Variants in CADPS observed in about 807,000 individuals in gnomAD.
CADPS encodes calcium dependent secretion activator.
A neutral mutation model predicts 167.3 loss-of-function variants in CADPS; 57 were observed. That is an observed-to-expected ratio of 0.34 (90% CI 0.28 to 0.42). CADPS has a LOEUF of 0.42. Among genes scored for constraint, CADPS ranks in the 20% least tolerant of loss-of-function variants. The pLI is 1.00. For missense variants in CADPS, 1,414 were observed against 1,738.1 expected, an observed-to-expected ratio of 0.81 and a Z score of 3.32; for synonymous variants, 676 against 635.3, an observed-to-expected ratio of 1.06 and a Z score of -0.96.
chr3:62,450,177 C>G (rs1256058642), intron 26 of CADPS, among the ~76,000 whole-genome samples: 1 of 152,206 alleles, frequency 6.6e-6, no homozygotes, highest in East Asian at 1.9e-4. Context: ...GGTATCTGAG[C>G]TGATTCTCAG....
chr3:62,854,068 CA>C (rs1215487212), intron 1 of CADPS, among the ~76,000 whole-genome samples: 2 of 152,182 alleles, frequency 1.3e-5, no homozygotes, highest in African/African-American at 4.8e-5. Context: ...CCATTCCCTA[CA>C]TCTGAGCATT....
At chr3:62,469,757 C>G (rs1322463257) in intron 24 of CADPS, 1 of 157,988 alleles carries the variant, frequency 6.3e-6, no homozygotes, top group Non-Finnish European at 1.4e-5. Context: ...ATCCGCCCAC[C>G]TTGGCCTCCC....
chr3:62,744,514 G>A, intron 3 of CADPS, among the ~76,000 whole-genome samples: 1 of 152,178 alleles, frequency 6.6e-6, no homozygotes, highest in East Asian at 1.9e-4. Context: ...TATTAGCATG[G>A]GGAATCTGGA....
intron 10 of CADPS, among the ~76,000 whole-genome samples, chr3:62,553,250 A>T (rs1424837616): frequency 6.6e-6 from 1 of 152,158 alleles, no homozygotes; most frequent in Non-Finnish European, 1.5e-5. Flanking sequence ...CAGTTCATGG[A>T]GTTACTTTGG....
At chr3:62,856,529 A>C (rs2079718282) in intron 1 of CADPS, among the ~76,000 whole-genome samples, 1 of 152,108 alleles carries the variant, frequency 6.6e-6, no homozygotes, top group Non-Finnish European at 1.5e-5. Context: ...AAAATGCAAG[A>C]AGAGTCATGG....
At chr3:62,577,724 C>A (rs1478617433) in intron 8 of CADPS, among the ~76,000 whole-genome samples, 1 of 152,162 alleles carries the variant, frequency 6.6e-6, no homozygotes, top group Non-Finnish European at 1.5e-5. Flanking sequence ...CCCTACAAGA[C>A]AAACACTGTT....
At chr3:62,639,177 C>T (rs1317066150) in intron 6 of CADPS, among the ~76,000 whole-genome samples, 2 of 152,178 alleles carry the variant, frequency 1.3e-5, no homozygotes, top group African/African-American at 2.4e-5. Flanking sequence ...TTCTCCCAAC[C>T]TACGTATCTT....
In CADPS at chr3:62,834,833, A is replaced by C. The variant is rs149889972; in HGVS notation, c.441+39756T>G. Among the ~76,000 whole-genome samples, 551 of 152,288 alleles carry C rather than the reference A, an allele frequency of 3.6e-3. 6 individuals are homozygous for C. Among genetic ancestry groups the C allele is most frequent in the African/African-American group, 0.013 (530 of 41,562 alleles). ...GGATGATCTAATGCTACAGTAAAGG[A>C]CTTACTTGGCTTTTGGGAAAACTAA... On this transcript the variant is annotated intron_variant, in intron 1 of 29. Transcript: ENST00000383710.
intron 1 of CADPS, among the ~76,000 whole-genome samples, chr3:62,855,091 A>ATTTTTTTTTTTTTTTTTT (rs554197608): frequency 5.6e-4 from 52 of 92,706 alleles, no homozygotes; most frequent in Admixed American, 7.2e-4. Flanking sequence ...TGCCCGGCTA[A>ATTTTTTTTTTTTTTTTTT]TTTTTTTTTT....
intron 17 of CADPS, among the ~76,000 whole-genome samples, chr3:62,504,918 G>T (rs2066384797): frequency 6.6e-6 from 1 of 152,150 alleles, no homozygotes; most frequent in South Asian, 2.1e-4. Flanking sequence ...CTAGTGAATT[G>T]CCAGTCCCTG....
intron 1 of CADPS, among the ~76,000 whole-genome samples, chr3:62,815,170 C>T (rs558081586): frequency 1.2e-3 from 184 of 152,036 alleles, no homozygotes; most frequent in South Asian, 7.1e-3. Flanking sequence ...TTAATCATGG[C>T]AATACAGATT....
intron 6 of CADPS, among the ~76,000 whole-genome samples, chr3:62,593,581 C>A (rs2086563423): frequency 6.6e-6 from 1 of 152,206 alleles, no homozygotes; most frequent in African/African-American, 2.4e-5. Context: ...TTCCATTGCA[C>A]TCAGGGGGCA....
intron 13 of CADPS, among the ~76,000 whole-genome samples, chr3:62,525,345 T>C (rs1298639400): frequency 1.3e-5 from 2 of 151,984 alleles, no homozygotes; most frequent in Non-Finnish European, 2.9e-5. Flanking sequence ...GTTTGAAAAT[T>C]TTTCCCACTT....
intron 26 of CADPS, among the ~76,000 whole-genome samples, chr3:62,462,993 A>G (rs1405750057): frequency 6.6e-6 from 1 of 152,166 alleles, no homozygotes; most frequent in Non-Finnish European, 1.5e-5. Context: ...AGTGTGTGGG[A>G]GAAGTGTCAC....
intron 28 of CADPS, among the ~76,000 whole-genome samples, chr3:62,418,001 A>C (rs2050489269): frequency 6.6e-6 from 1 of 151,920 alleles, no homozygotes; most frequent in African/African-American, 2.4e-5. Context: ...CTAGTATCTT[A>C]AAAAAAGAAA....
At chr3:62,618,393 T>C (rs1275985692) in intron 6 of CADPS, among the ~76,000 whole-genome samples, 1 of 152,178 alleles carries the variant, frequency 6.6e-6, no homozygotes, top group Non-Finnish European at 1.5e-5. Context: ...TCTGCACCTG[T>C]TGGGTACGAT....
At chr3:62,709,886 C>A (rs2083056682) in intron 3 of CADPS, among the ~76,000 whole-genome samples, 1 of 151,988 alleles carries the variant, frequency 6.6e-6, no homozygotes. Flanking sequence ...TCTCATCCCT[C>A]AGCCTCCCGA....
At chr3:62,679,972 C>A (rs546500772) in intron 3 of CADPS, among the ~76,000 whole-genome samples, 4 of 151,880 alleles carry the variant, frequency 2.6e-5, no homozygotes, top group African/African-American at 9.7e-5. Flanking sequence ...TATAAAGATC[C>A]TTCCATAAAC....
intron 3 of CADPS, among the ~76,000 whole-genome samples, chr3:62,724,961 G>A (rs759961579): frequency 9.2e-5 from 14 of 152,196 alleles, no homozygotes; most frequent in Non-Finnish European, 1.9e-4. Flanking sequence ...TGAACCCCAG[G>A]CATGTCTGAC....
Sources: allele counts gnomAD v4.1 joint callset (sites outside exome capture counted in the v4.1 genomes callset), GRCh38; gene constraint gnomAD v4.1.1; transcripts MANE v1.5; gene names NCBI Gene and HGNC (gene_info 2026-07-23, HGNC 2026-07-21).